ZNF7: variants seen among roughly 807,000 people sequenced by gnomAD.
The protein encoded by ZNF7 is zinc finger protein 7.
In ZNF7, 10 loss-of-function variants were observed where a neutral mutation model predicts 12.0. That is an observed-to-expected ratio of 0.83 (90% CI 0.51 to 1.42). The LOEUF is 1.42. Among genes scored for constraint, ZNF7 ranks in the 40% most tolerant of loss-of-function variants. ZNF7 has a pLI of 0.00. For missense variants in ZNF7, 854 were observed against 837.2 expected (o/e 1.02, Z -0.25); for synonymous variants, 334 against 295.0 (o/e 1.13, Z -1.35).
Position 144,842,250 on chromosome 8 carries a change from A to T in ZNF7, c.1143A>T (p.Gln381His). ...AGAGCTCCACCCTAGCCCAGCATCAAAGGATGCATACTGGGGAGAAAGCTC... is the reference window on the plus strand; with the variant it reads ...AGAGCTCCACCCTAGCCCAGCATCATAGGATGCATACTGGGGAGAAAGCTC... ...FSQSSTLAQH[Q>H]RMHTGEKAQI... The change falls in exon 5 of 5, where the codon CAA becomes CAT. Residue 381 changes from glutamine to histidine, a missense_variant. Transcript: ENST00000532777. 6.2e-7 allele frequency: 1 copy of T among 1,613,966 alleles called. No individual in the cohort carries two copies. Among genetic ancestry groups the T allele is most frequent in the Non-Finnish European group, 8.5e-7 (1 of 1,179,994 alleles).
chr8:144,846,100 C>T (rs924790576), downstream of ZNF7: 1 of 1,535,932 alleles, frequency 6.5e-7, no homozygotes, highest in East Asian at 2.4e-5. Flanking sequence ...CTCCTGGGCT[C>T]TCGTCATCTC....
chr8:144,843,828 T>G (rs1830317415), downstream of ZNF7: 1 of 152,166 alleles, frequency 6.6e-6, no homozygotes, highest in Non-Finnish European at 1.5e-5. Flanking sequence ...TATCAGTGGC[T>G]CACACTGGCT....
At chr8:144,830,159 G>A (rs1454822596) in intron 3 of ZNF7, among the ~76,000 whole-genome samples, 2 of 152,212 alleles carry the variant, frequency 1.3e-5, no homozygotes, top group African/African-American at 4.8e-5. Context: ...GCCTTGCTGG[G>A]CCTCTTGCCT....
At position 144,841,456 on chromosome 8, in the gene ZNF7, C is replaced by G. The variant is rs753335938; in HGVS notation, c.349C>G (p.Pro117Ala). Residue 117 changes from proline (P) to alanine (A), a missense_variant, in exon 5 of 5, where the codon CCT (proline) becomes GCT (alanine). Physicochemically the swap from Pro to Ala is conservative, Grantham distance 27 (BLOSUM62 -1). Transcript: ENST00000532777. ...TVVRISPQDFPQNPGFGDVSD... is the reference protein window; with the variant it reads ...TVVRISPQDFAQNPGFGDVSD... ...GGTCAGAATCTCCCCACAGGACTTT[C>G]CTCAGAATCCTGGCTTTGGAGACGT... 1.9e-6 allele frequency: 3 copies of G among 1,614,232 alleles called. No individual in the cohort carries two copies. The highest frequency in any genetic ancestry group is 2.7e-5 in the African/African-American group (2 of 75,052).
downstream of ZNF7, among the ~76,000 whole-genome samples, chr8:144,844,172 G>C (rs1830345897): frequency 6.6e-6 from 1 of 152,154 alleles, no homozygotes; most frequent in Non-Finnish European, 1.5e-5. Flanking sequence ...TTGTGTATCT[G>C]AAAACATGCA....
rs1563845359 is a variant in ZNF7 at position 144,842,693 on chromosome 8, A to G, written c.1586A>G (p.Gln529Arg). ...HKGEKPYECL[Q>R]CGKAFSMSTQ... is the part of the protein sequence containing the mutation. ...GGAGAGAAGCCCTACGAATGCCTCC[A>G]ATGCGGAAAAGCCTTCAGTATGAGC... The change falls in exon 5 of 5, where the codon CAA (glutamine) becomes CGA (arginine). Residue 529 changes from glutamine to arginine, a missense_variant. Transcript: ENST00000532777. The G allele has an allele frequency of 1.2e-6, 2 of 1,614,208 alleles. No homozygotes were observed. Among genetic ancestry groups the G allele is most frequent in the East Asian group, 4.5e-5 (2 of 44,878 alleles).
intron 4 of ZNF7, among the ~76,000 whole-genome samples, chr8:144,837,795 C>T (rs1305759954): frequency 6.6e-6 from 1 of 152,146 alleles, no homozygotes; most frequent in Non-Finnish European, 1.5e-5. Flanking sequence ...TTTAATTTTA[C>T]TCATACTTTC....
chr8:144,838,088 G>A, intron 4 of ZNF7: 1 of 703,022 alleles, frequency 1.4e-6, no homozygotes, highest in South Asian at 1.5e-5. Context: ...GAAGGATCCT[G>A]TCCTGCCTCT....
chr8:144,829,177 A>G, intron 2 of ZNF7, 87 bp downstream of exon 2: 5 of 1,599,828 alleles, frequency 3.1e-6, no homozygotes, highest in Non-Finnish European at 4.3e-6. Flanking sequence ...CCCAGACCCT[A>G]CCTTGGCCCT....
At chr8:144,847,220 AG>A (rs962173558), downstream of ZNF7, 2 of 152,228 alleles carry the variant, frequency 1.3e-5, no homozygotes, top group African/African-American at 4.8e-5. Flanking sequence ...GGGGTAGTGC[AG>A]GTGCTAGAAT....
Position 144,838,464 on chromosome 8 carries a change from C to G in ZNF7, c.247+957C>G, listed in dbSNP as rs1001010064. ...CTCCCCTGCTTAGCCGGTGTGCTGC[C>G]CAGCATGACAAGGGAGATGGGTCTG... is the stretch of plus-strand genomic sequence containing the variant. On this transcript the variant is annotated intron_variant, in intron 4 of 4. Transcript: ENST00000532777. The G allele has an allele frequency of 1.8e-5, 6 of 331,328 alleles. No individual in the cohort carries two copies. In the South Asian group the frequency reaches 2.1e-4, roughly 12 times the overall value. The allele number at this position is 331,328 out of a possible 1,614,324, so 20.5% of individuals were successfully genotyped here. A position where few individuals can be genotyped will look rare whatever the true frequency, so the allele number is the denominator to read the frequency against.
At chr8:144,845,876 C>G (rs1735173), downstream of ZNF7, 476,763 of 1,161,366 alleles carry the variant, frequency 0.41, 102,140 homozygotes, top group African/African-American at 0.67. Flanking sequence ...CCCTGCCTTG[C>G]GTCACGTGGC....
chr8:144,829,835 T>G, intron 3 of ZNF7: 1 of 405,932 alleles, frequency 2.5e-6, no homozygotes. Context: ...GCCTCTTTTT[T>G]TCCTAAGCTG....
Position 144,829,085 on chromosome 8 carries a change from C to T in ZNF7, c.-3C>T. ...CGTGGATGCCCACCCACCACTGAGC[C>T]TCATGGTAGGAAGCTTGACTGCCTC... On this transcript the variant is annotated 5_prime_UTR_variant, in exon 2 of 5. Transcript: ENST00000532777. 6.2e-7 allele frequency: 1 copy of T among 1,614,076 alleles called. No homozygotes were observed. The highest frequency in any genetic ancestry group is 1.1e-5 in the South Asian group (1 of 91,058).
At chr8:144,828,554 T>TC (rs1179653005) in intron 1 of ZNF7, among the ~76,000 whole-genome samples, 1 of 152,196 alleles carries the variant, frequency 6.6e-6, no homozygotes, top group Non-Finnish European at 1.5e-5. Flanking sequence ...CACATGCTAT[T>TC]CCTGCTGCCT....
Position 144,829,094 on chromosome 8 carries a change from G to A in ZNF7, c.3+4G>A. On this transcript the variant is annotated splice_donor_region_variant and intron_variant, in intron 2 of 4. Transcript: ENST00000532777. ...CCACCCACCACTGAGCCTCATGGTA[G>A]GAAGCTTGACTGCCTCCTTCCCCTC... 1 of 1,614,054 alleles carries A rather than the reference G, an allele frequency of 6.2e-7. No homozygotes were observed. Among genetic ancestry groups the A allele is most frequent in the Non-Finnish European group, 8.5e-7 (1 of 1,179,974 alleles).
intron 4 of ZNF7, chr8:144,838,343 G>C (rs1829332954): frequency 3.5e-6 from 2 of 569,952 alleles, no homozygotes; most frequent in East Asian, 2.9e-5. Flanking sequence ...CTTCAAGTTA[G>C]GACTTCAGCC....
At chr8:144,839,522 C>T (rs1055393152) in intron 4 of ZNF7, among the ~76,000 whole-genome samples, 2 of 152,240 alleles carry the variant, frequency 1.3e-5, no homozygotes, top group African/African-American at 2.4e-5. Flanking sequence ...AAGCCAGCTA[C>T]AGTTGGCAGA....
chr8:144,829,782 G>T (rs942014892), intron 3 of ZNF7, 178 bp downstream of exon 3: 2 of 733,430 alleles, frequency 2.7e-6, no homozygotes, highest in African/African-American at 3.5e-5. Context: ...ATGTCATGGG[G>T]TTCAGCCCCC....
Sources: gnomAD v4.1 joint callset for allele counts (sites outside exome capture counted in the v4.1 genomes callset) on GRCh38, gnomAD v4.1.1 for gene constraint, MANE v1.5 for transcripts, NCBI Gene and HGNC (gene_info 2026-07-23, HGNC 2026-07-21) for gene names.